Variants in ALS2 observed in about 807,000 individuals in gnomAD.
The protein encoded by ALS2 is alsin Rho guanine nucleotide exchange factor ALS2.
A neutral mutation model predicts 203.4 loss-of-function variants in ALS2; 117 were observed. The ratio of observed to expected loss-of-function variants is 0.58; its 90% CI spans 0.50 to 0.67. The LOEUF is 0.67. ALS2 is among the 30% of genes least tolerant of loss of function. ALS2 has a pLI of 0.00. For missense variants in ALS2, 1,715 were observed against 1,989.4 expected, an observed-to-expected ratio of 0.86 and a Z score of 2.62; for synonymous variants, 718 against 725.9, an observed-to-expected ratio of 0.99 and a Z score of 0.17.
At chr2:201,757,943 A>T (rs1350740322) in intron 4 of ALS2, among the ~76,000 whole-genome samples, 184 bp from the exon 5 acceptor site, 1 of 152,224 alleles carries the variant, frequency 6.6e-6, no homozygotes, top group Non-Finnish European at 1.5e-5. Flanking sequence ...TTAAATGGAA[A>T]TGAGTACTCA....
At chr2:201,747,315 T>C (rs1363760884) in intron 8 of ALS2, among the ~76,000 whole-genome samples, 1 of 152,068 alleles carries the variant, frequency 6.6e-6, no homozygotes, top group Admixed American at 6.5e-5. Context: ...GAAGCCCATC[T>C]GCAGGGATCC....
At chr2:201,720,716 C>G (rs1196805887) in intron 23 of ALS2, among the ~76,000 whole-genome samples, 1 of 94,580 alleles carries the variant, frequency 1.1e-5, no homozygotes, top group Non-Finnish European at 2.0e-5. Flanking sequence ...ACTATCTCAA[C>G]ACACACACAC....
chr2:201,723,547 T>C, intron 21 of ALS2, 106 bp from the exon 22 acceptor site: 1 of 952,478 alleles, frequency 1.0e-6, no homozygotes, highest in Non-Finnish European at 1.7e-6. Context: ...AGGTTGGTAT[T>C]GCTTCCATTT....
chr2:201,744,545 T>C (rs544558868), intron 9 of ALS2, 116 bp from the exon 10 acceptor site: 1 of 1,135,930 alleles, frequency 8.8e-7, no homozygotes, highest in Admixed American at 2.1e-5. Context: ...ATTCAGAAAA[T>C]TTGCAAGCAA....
intron 12 of ALS2, among the ~76,000 whole-genome samples, chr2:201,734,777 A>C (rs1359697133): frequency 6.6e-6 from 1 of 152,160 alleles, no homozygotes; most frequent in African/African-American, 2.4e-5. Flanking sequence ...TCTTCCCCGA[A>C]AGAGGCCAAG....
chr2:201,766,694 C>A (rs6435106), intron 3 of ALS2, among the ~76,000 whole-genome samples: 29,546 of 121,674 alleles, frequency 0.24, 3,915 homozygotes, highest in East Asian at 0.48. Context: ...AACCAACCTA[C>A]ATGTCCAACA....
At chr2:201,707,066 A>G (rs1230727072) in intron 28 of ALS2, 44 bp from the exon 29 acceptor site, 1 of 1,547,784 alleles carries the variant, frequency 6.5e-7, no homozygotes, top group African/African-American at 1.4e-5. Context: ...TTTTCATATT[A>G]AAATTGAATA....
chr2:201,746,850 GCAGT>G, intron 8 of ALS2, 102 bp from the exon 9 acceptor site: 1 of 1,351,424 alleles, frequency 7.4e-7, no homozygotes, highest in Non-Finnish European at 1.0e-6. Flanking sequence ...TAAGCGTGGT[GCAGT>G]CAGTCATATC....
At chr2:201,722,797 T>C (rs1396159638) in intron 23 of ALS2, 3 of 527,662 alleles carry the variant, frequency 5.7e-6, no homozygotes, top group African/African-American at 1.9e-5. Flanking sequence ...GGGTGATTAG[T>C]GGTTGGCTGG....
Position 201,780,921 on chromosome 2 carries a change from T to G in ALS2, c.-105A>C, listed in dbSNP as rs1464385570. The G allele has an allele frequency of 2.0e-5, 3 of 152,674 alleles. No homozygotes were observed. Among genetic ancestry groups the G allele is most frequent in the Non-Finnish European group, 4.4e-5 (3 of 68,116 alleles). The allele number at this position is 152,674 out of a possible 1,614,324, so 9.5% of individuals were successfully genotyped here. On this transcript the variant is annotated 5_prime_UTR_variant, in exon 1 of 34. Coordinates refer to ENST00000264276, the MANE Select transcript of ALS2 (RefSeq NM_020919.4). ...ACCGCGCTCCGCATCCGGCGCGAGC[T>G]TGGCAACCCAGTGGGTCCGCGGGAT...
chr2:201,758,765 T>C (rs924413182), intron 4 of ALS2, among the ~76,000 whole-genome samples: 12 of 151,506 alleles, frequency 7.9e-5, no homozygotes, highest in South Asian at 2.1e-4. Flanking sequence ...TGCGCATGTG[T>C]GTGTGTGTGT....
intron 7 of ALS2, among the ~76,000 whole-genome samples, chr2:201,751,791 A>G (rs1449044937): frequency 6.6e-6 from 1 of 152,150 alleles, no homozygotes; most frequent in African/African-American, 2.4e-5. Flanking sequence ...CTAGTTTTTA[A>G]TGACATCATT....
intron 8 of ALS2, among the ~76,000 whole-genome samples, chr2:201,748,757 T>C (rs1013080161): frequency 3.9e-5 from 6 of 152,246 alleles, no homozygotes; most frequent in African/African-American, 1.4e-4. Flanking sequence ...CCTAATGTTT[T>C]ATTAAGCCTT....
chr2:201,768,060 T>C (rs904739652), intron 2 of ALS2, among the ~76,000 whole-genome samples: 1 of 152,154 alleles, frequency 6.6e-6, no homozygotes, highest in Non-Finnish European at 1.5e-5. Context: ...CAAGTTGAAG[T>C]CTTATCATAA....
chr2:201,773,066 T>C (rs1326233432), intron 1 of ALS2, among the ~76,000 whole-genome samples: 1 of 152,100 alleles, frequency 6.6e-6, no homozygotes, highest in Non-Finnish European at 1.5e-5. Flanking sequence ...TTCACTATGT[T>C]GCCCAGACTG....
At position 201,707,896 on chromosome 2, in the gene ALS2, T is replaced by C; in HGVS notation, c.4376A>G (p.Asp1459Gly). 1.2e-6 allele frequency: 2 copies of C among 1,613,632 alleles called. No homozygotes were observed. Among genetic ancestry groups the C allele is most frequent in the Non-Finnish European group, 1.7e-6 (2 of 1,179,672 alleles). The change falls in exon 28 of 34, where the codon GAT (aspartate) becomes GGT (glycine). Residue 1459 changes from aspartate to glycine, a missense_variant. This residue lies in a region of ALS2 where 1,227 missense variants were observed against 1,413.5 expected (regional missense o/e 0.87). Transcript: ENST00000264276. The part of the protein sequence containing the change: ...ERKSFCTGKS[D>G]SRSESPEPGY... ...TGGCTCTGGTGATTCAGATCGGGAA[T>C]CTGACTTCCCAGTGCAAAAAGACTT...
In ALS2 at chr2:201,773,167, T is replaced by G. The variant is rs146814510; in HGVS notation, c.-60-4222A>C. On this transcript the variant is annotated intron_variant, in intron 1 of 33. Transcript: ENST00000264276. ...GAGCCAATGCGAAGGGCCAATGATTTATTTCAATGACGATTTACATTTGTT... is the reference window on the plus strand; with the variant it reads ...GAGCCAATGCGAAGGGCCAATGATTGATTTCAATGACGATTTACATTTGTT... Among the ~76,000 whole-genome samples the G allele has an allele frequency of 4.8e-3, 738 of 152,292 alleles. 3 individuals are homozygous for G. The highest frequency in any genetic ancestry group is 0.017 in the African/African-American group (721 of 41,564).
chr2:201,767,074 C>G (rs1029593077), intron 3 of ALS2, among the ~76,000 whole-genome samples, 155 bp downstream of exon 3: 2 of 150,978 alleles, frequency 1.3e-5, no homozygotes, highest in Non-Finnish European at 3.0e-5. Context: ...CACATGTACC[C>G]TAAAACTTAA....
chr2:201,744,473 A>G (rs1692495670), intron 9 of ALS2, 44 bp from the exon 10 acceptor site: 1 of 1,581,770 alleles, frequency 6.3e-7, no homozygotes, highest in Non-Finnish European at 8.6e-7. Flanking sequence ...ACATATAATT[A>G]TGTTACTAAT....
Sources: gnomAD v4.1 joint callset for allele counts (sites outside exome capture counted in the v4.1 genomes callset) on GRCh38, gnomAD v4.1.1 for gene constraint, gnomAD v4.1.1 regional missense constraint, MANE v1.5 for transcripts, NCBI Gene and HGNC (gene_info 2026-07-23, HGNC 2026-07-21) for gene names.